C3orf52: variants seen among roughly 807,000 people sequenced by gnomAD.
C3orf52 encodes the protein TPA-induced transmembrane protein.
Under a neutral mutation model 24.8 loss-of-function variants are expected in C3orf52, and 22 were observed. The ratio of observed to expected loss-of-function variants is 0.89; its 90% CI spans 0.63 to 1.27. C3orf52 has a LOEUF of 1.27. Ranked by LOEUF, C3orf52 falls within the 50% of genes most tolerant of loss-of-function variation. C3orf52 has a pLI of 0.00. For synonymous variants in C3orf52, 93 were observed against 100.2 expected (o/e 0.93, Z 0.43); for missense variants, 265 against 260.7 (o/e 1.02, Z -0.11).
At chr3:112,114,262 T>C (rs2074113767) in intron 5 of C3orf52, among the ~76,000 whole-genome samples, 1 of 152,150 alleles carries the variant, frequency 6.6e-6, no homozygotes, top group Admixed American at 6.5e-5. Flanking sequence ...AAGAATGCCA[T>C]TCAGAAGGCC....
chr3:112,110,388 G>T (rs2107787332), intron 4 of C3orf52, among the ~76,000 whole-genome samples: 1 of 151,872 alleles, frequency 6.6e-6, no homozygotes, highest in Admixed American at 6.6e-5. Flanking sequence ...CACAGGAAAA[G>T]TCTCCCTTCT....
chr3:112,095,099 A>G (rs1296267362), intron 2 of C3orf52, among the ~76,000 whole-genome samples: 3 of 152,218 alleles, frequency 2.0e-5, no homozygotes, highest in Admixed American at 6.5e-5. Flanking sequence ...CCTCCAGCAC[A>G]TAAGTTTCCT....
At chr3:112,103,990 A>G (rs2074002089) in intron 3 of C3orf52, among the ~76,000 whole-genome samples, 1 of 152,316 alleles carries the variant, frequency 6.6e-6, no homozygotes, top group South Asian at 2.1e-4. Context: ...GAAAGCCAGG[A>G]GGAAGAGATC....
At chr3:112,132,880 G>T, downstream of C3orf52, 1 of 528,720 alleles carries the variant, frequency 1.9e-6, no homozygotes. Flanking sequence ...TCCATCAGCT[G>T]CTCACCATGA....
chr3:112,100,329 A>G (rs998098526), intron 2 of C3orf52, among the ~76,000 whole-genome samples: 3 of 152,172 alleles, frequency 2.0e-5, no homozygotes, highest in Non-Finnish European at 4.4e-5. Context: ...TTCCTTCAAC[A>G]TACAACACAT....
chr3:112,099,063 C>T (rs1451054009), intron 2 of C3orf52, among the ~76,000 whole-genome samples: 1 of 152,072 alleles, frequency 6.6e-6, no homozygotes, highest in African/African-American at 2.4e-5. Context: ...AAGTGTGTGG[C>T]TCTTTGTTGT....
chr3:112,117,258 G>A lies in C3orf52; in HGVS notation c.*612G>A. The A allele has an allele frequency of 2.2e-6, 1 of 448,800 alleles. No individual in the cohort carries two copies. The highest frequency in any genetic ancestry group is 4.0e-6 in the Non-Finnish European group (1 of 250,916). 27.8% of individuals were successfully genotyped at this position (448,800 alleles called of 1,614,324 possible). ...TGAAGAAAAGGAAGGCACTTTAGAAGACCTCAGCAGTGTGGTTCTGTGTCT... is the reference window on the plus strand; with the variant it reads ...TGAAGAAAAGGAAGGCACTTTAGAAAACCTCAGCAGTGTGGTTCTGTGTCT... On this transcript the variant is annotated 3_prime_UTR_variant, in exon 6 of 6. Transcript: ENST00000264848.
At chr3:112,114,365 G>A (rs1208990886) in intron 5 of C3orf52, among the ~76,000 whole-genome samples, 1 of 150,460 alleles carries the variant, frequency 6.6e-6, no homozygotes, top group Non-Finnish European at 1.5e-5. Flanking sequence ...GACACTATAT[G>A]TGTGTGGAGT....
chr3:112,125,879 A>G (rs1431129868), intron 4 of C3orf52, among the ~76,000 whole-genome samples: 2 of 152,240 alleles, frequency 1.3e-5, no homozygotes, highest in African/African-American at 4.8e-5. Context: ...AGTTAAAACC[A>G]AATGGCTCTG....
At chr3:112,110,856 C>G (rs893470946) in intron 4 of C3orf52, among the ~76,000 whole-genome samples, 1 of 152,132 alleles carries the variant, frequency 6.6e-6, no homozygotes, top group Non-Finnish European at 1.5e-5. Context: ...GGTGTGGGGC[C>G]AAACAGACCT....
intron 5 of C3orf52, among the ~76,000 whole-genome samples, 153 bp downstream of exon 5, chr3:112,113,298 G>A (rs1368033753): frequency 6.6e-6 from 1 of 152,168 alleles, no homozygotes; most frequent in Non-Finnish European, 1.5e-5. Flanking sequence ...AGATGGTGTT[G>A]CTGTGAGGTG....
At chr3:112,089,987 G>T (rs539719112) in intron 1 of C3orf52, among the ~76,000 whole-genome samples, 1 of 152,250 alleles carries the variant, frequency 6.6e-6, no homozygotes, top group Admixed American at 6.5e-5. Context: ...AAATATCTCC[G>T]GAAGGCACCT....
At chr3:112,092,856 T>A (rs1464973486) in intron 1 of C3orf52, among the ~76,000 whole-genome samples, 1 of 152,204 alleles carries the variant, frequency 6.6e-6, no homozygotes, top group Non-Finnish European at 1.5e-5. Flanking sequence ...AAACCACACA[T>A]GATTTTCCCT....
At chr3:112,112,876 T>TAAAAA (rs76778672) in intron 4 of C3orf52, 88 bp from the exon 5 acceptor site, 562 of 951,176 alleles carry the variant, frequency 5.9e-4, no homozygotes, top group South Asian at 1.1e-3. Flanking sequence ...CATGCAAAAC[T>TAAAAA]AAAAAAAAAA....
rs1471664045 is a variant in C3orf52 at position 112,117,458 on chromosome 3, T to G, written c.*812T>G. The stretch of plus-strand genomic sequence containing the variant: ...GAACACCTTTTTGGAAATATGGGTC[T>G]CTGTGAGTTTTGAGCACACTACTAT... On this transcript the variant is annotated 3_prime_UTR_variant, in exon 6 of 6. Coordinates refer to ENST00000264848, the MANE Select transcript of C3orf52 (RefSeq NM_024616.3). The G allele has an allele frequency of 1.3e-5, 2 of 155,188 alleles. No individual in the cohort carries two copies. Among genetic ancestry groups the G allele is most frequent in the Non-Finnish European group, 2.9e-5 (2 of 70,032 alleles). 9.6% of individuals were successfully genotyped at this position (155,188 alleles called of 1,614,324 possible).
In C3orf52 at chr3:112,127,124, G is replaced by A. The variant is rs553726515; in HGVS notation, c.*47-1109G>A. On this transcript the variant is annotated intron_variant, in intron 4 of 4. Coordinates refer to the C3orf52 transcript ENST00000480282. Reference sequence around the variant, plus strand: ...CTACAAAACTTACTTTTAACTCTTTGTTAAAGTTATATACCTTTTATAATA... The same window carrying A: ...CTACAAAACTTACTTTTAACTCTTTATTAAAGTTATATACCTTTTATAATA... The A allele has an allele frequency of 4.4e-5, 35 of 799,136 alleles. No individual in the cohort carries two copies. The African/African-American group carries it at 5.2e-4, about 12-fold the overall frequency. 49.5% of individuals were successfully genotyped at this position (799,136 alleles called of 1,614,324 possible).
chr3:112,114,542 A>G (rs557325641), intron 5 of C3orf52, among the ~76,000 whole-genome samples: 11 of 152,150 alleles, frequency 7.2e-5, no homozygotes, highest in African/African-American at 2.6e-4. Context: ...CATCTCTACT[A>G]AAAATACAAA....
chr3:112,097,810 A>G (rs574739191), intron 2 of C3orf52, among the ~76,000 whole-genome samples: 17 of 152,290 alleles, frequency 1.1e-4, no homozygotes, highest in Non-Finnish European at 5.9e-5. Flanking sequence ...TCTCCATATA[A>G]TATCTTTCAG....
intron 2 of C3orf52, among the ~76,000 whole-genome samples, chr3:112,096,452 C>T (rs921342576): frequency 2.0e-5 from 3 of 152,182 alleles, no homozygotes; most frequent in African/African-American, 7.2e-5. Flanking sequence ...ATGTAGATAA[C>T]GTTAAGGTTG....
Sources: allele counts gnomAD v4.1 joint callset (sites outside exome capture counted in the v4.1 genomes callset), GRCh38; gene constraint gnomAD v4.1.1; transcripts MANE v1.5; gene names NCBI Gene and HGNC (gene_info 2026-07-23, HGNC 2026-07-21).